The following IKBIP variants were observed in gnomAD, a reference collection of about 807,000 sequenced individuals.
IKBIP encodes inhibitor of nuclear factor kappa-B kinase-interacting protein.
Under a neutral mutation model 31.0 loss-of-function variants are expected in IKBIP, and 28 were observed. The ratio of observed to expected loss-of-function variants is 0.90; its 90% CI spans 0.67 to 1.24. The LOEUF (loss-of-function observed/expected upper bound fraction) is 1.24. IKBIP is among the 50% of genes most tolerant of loss of function. The pLI, the probability that IKBIP is intolerant of heterozygous loss-of-function variation, is 0.00. For missense variants in IKBIP, 453 were observed against 441.9 expected (o/e 1.03, Z -0.23); for synonymous variants, 164 against 160.3 (o/e 1.02, Z -0.17).
At chr12:98,640,482 A>AAAAC (rs1565844834) in intron 1 of IKBIP, among the ~76,000 whole-genome samples, 6 of 149,886 alleles carry the variant, frequency 4.0e-5, no homozygotes, top group South Asian at 2.1e-4. Context: ...CAAAACAAAA[A>AAAAC]AGCAATTAAA....
At chr12:98,614,069 A>G in exon 3 of IKBIP, 1 of 1,612,676 alleles carries the variant, frequency 6.2e-7, no homozygotes, top group East Asian at 2.2e-5. Context: ...TGTCAATGAT[A>G]TTACATCAGT....
chr12:98,636,920 A>G (rs12815244), intron 1 of IKBIP, among the ~76,000 whole-genome samples: 24,232 of 138,120 alleles, frequency 0.18, 2,082 homozygotes, highest in Non-Finnish European at 0.19. Flanking sequence ...GCCAGGGGGG[A>G]AAAAAAAAAA....
chr12:98,622,451 A>G (rs1309849810), downstream of IKBIP, among the ~76,000 whole-genome samples: 1 of 151,968 alleles, frequency 6.6e-6, no homozygotes, highest in Non-Finnish European at 1.5e-5. Flanking sequence ...GGGCCCAGGA[A>G]GTTGACACTG....
intron 2 of IKBIP, among the ~76,000 whole-genome samples, chr12:98,631,562 T>C (rs894583674): frequency 7.0e-4 from 104 of 147,798 alleles, no homozygotes; most frequent in African/African-American, 2.5e-3. Flanking sequence ...ATTACAGGTG[T>C]GAACCACCGT....
chr12:98,618,606 AC>A (rs2097607719), intron 2 of IKBIP, among the ~76,000 whole-genome samples: 1 of 149,238 alleles, frequency 6.7e-6, no homozygotes, highest in Non-Finnish European at 1.5e-5. Context: ...AGCCTGGGCG[AC>A]AGAGCCAGAC....
intron 1 of IKBIP, among the ~76,000 whole-genome samples, chr12:98,637,385 C>T (rs1013713184): frequency 6.6e-6 from 1 of 151,912 alleles, no homozygotes; most frequent in African/African-American, 2.4e-5. Flanking sequence ...ATTCATTTAA[C>T]ATTAAAGAAG....
chr12:98,617,432 T>C (rs2097606899), intron 2 of IKBIP, among the ~76,000 whole-genome samples: 1 of 152,234 alleles, frequency 6.6e-6, no homozygotes, highest in Non-Finnish European at 1.5e-5. Flanking sequence ...ATTTTTGTTG[T>C]TGTTTGTGGT....
intron 2 of IKBIP, among the ~76,000 whole-genome samples, chr12:98,628,430 T>C (rs144198073): frequency 3.3e-5 from 5 of 152,344 alleles, no homozygotes; most frequent in East Asian, 3.9e-4. Flanking sequence ...CTAATACTTC[T>C]AGGATAAAGT....
At chr12:98,614,021 A>T (rs142312833) in exon 3 of IKBIP, 2 of 1,608,952 alleles carry the variant, frequency 1.2e-6, no homozygotes, top group South Asian at 1.1e-5. Flanking sequence ...ATTTTTTTCT[A>T]CTTTCTCTAT....
At position 98,634,243 on chromosome 12, in the gene IKBIP, T is replaced by C. The variant is rs938432090; in HGVS notation, c.297+53A>G. 59 of 831,030 alleles carry C rather than the reference T, an allele frequency of 7.1e-5. 1 individual carries two copies. In the South Asian group the frequency reaches 7.3e-4, roughly 10 times the overall value. The allele number at this position is 831,030 out of a possible 1,614,324, so 51.5% of individuals were successfully genotyped here. A position where few individuals can be genotyped will look rare whatever the true frequency, so the allele number is the denominator to read the frequency against. On this transcript the variant is annotated intron_variant, in intron 2 of 2. Coordinates refer to ENST00000299157, the MANE Select transcript of IKBIP (RefSeq NM_153687.4). ...GTTCTGAGCTGGGATAGAGAAATGATAGTGGGGTAGTAAAATGGGAAAACC... is the reference window on the plus strand; with the variant it reads ...GTTCTGAGCTGGGATAGAGAAATGACAGTGGGGTAGTAAAATGGGAAAACC...
At chr12:98,632,219 A>T (rs1165298573) in intron 2 of IKBIP, among the ~76,000 whole-genome samples, 1 of 151,828 alleles carries the variant, frequency 6.6e-6, no homozygotes, top group East Asian at 1.9e-4. Flanking sequence ...TTGTAATATC[A>T]ATTCTTTGGG....
intron 1 of IKBIP, among the ~76,000 whole-genome samples, chr12:98,642,536 C>T (rs1379776581): frequency 6.7e-6 from 1 of 149,358 alleles, no homozygotes; most frequent in Non-Finnish European, 1.5e-5. Context: ...AAATTCAGTA[C>T]ATTTATTCCT....
downstream of IKBIP, among the ~76,000 whole-genome samples, chr12:98,620,445 C>A (rs186823370): frequency 6.6e-6 from 1 of 151,980 alleles, no homozygotes; most frequent in East Asian, 2.0e-4. Context: ...CAGCTCACTG[C>A]AACCCCTGCC....
rs180816002 is a variant in IKBIP at position 98,632,123 on chromosome 12, G to C, written c.297+2173C>G. Among the ~76,000 whole-genome samples, 669 of 152,008 alleles carry C rather than the reference G, an allele frequency of 4.4e-3. 5 individuals carry two copies. Among genetic ancestry groups the C allele is most frequent in the African/African-American group, 0.015 (632 of 41,474 alleles). ...CCTGCTTCGGCCTCCCAGTGTGCTG[G>C]GATTACAGGCGTGAGCCACCGCGTC... On this transcript the variant is annotated intron_variant, in intron 2 of 2. Transcript: ENST00000299157.
chr12:98,632,513 ATATATATATATATATATATAT>A (rs1217887820), intron 2 of IKBIP, among the ~76,000 whole-genome samples: 9 of 13,674 alleles, frequency 6.6e-4, no homozygotes, highest in African/African-American at 8.7e-4. Flanking sequence ...AAAAAAAAAA[ATATATATATATATATATATAT>A]ATATATATAT....
intron 1 of IKBIP, among the ~76,000 whole-genome samples, chr12:98,642,458 T>A (rs1055669225): frequency 3.3e-5 from 5 of 150,532 alleles, no homozygotes; most frequent in African/African-American, 1.2e-4. Flanking sequence ...CCCAAAAAGG[T>A]TTTTTTTTCA....
At chr12:98,638,301 T>C (rs2097627603) in intron 1 of IKBIP, among the ~76,000 whole-genome samples, 2 of 152,196 alleles carry the variant, frequency 1.3e-5, no homozygotes, top group Non-Finnish European at 2.9e-5. Flanking sequence ...TAATCTTATT[T>C]TTTAAAGACA....
downstream of IKBIP, among the ~76,000 whole-genome samples, chr12:98,621,571 T>G (rs1385560578): frequency 6.6e-6 from 1 of 152,166 alleles, no homozygotes; most frequent in Non-Finnish European, 1.5e-5. Flanking sequence ...TCTCCCCTAG[T>G]TGAACAGTAG....
exon 3 of IKBIP, chr12:98,613,627 C>T: frequency 1.3e-6 from 2 of 1,552,560 alleles, no homozygotes; most frequent in African/African-American, 1.4e-5. Context: ...CTTTAATATC[C>T]TTAATCTCAG....
Sources: allele counts gnomAD v4.1 joint callset (sites outside exome capture counted in the v4.1 genomes callset), GRCh38; gene constraint gnomAD v4.1.1; transcripts MANE v1.5; gene names NCBI Gene and HGNC (gene_info 2026-07-23, HGNC 2026-07-21).